The following CENPC variants were observed in gnomAD, a reference collection of about 807,000 sequenced individuals.
CENPC encodes CENP-C 1.
CENPC carries 63 observed loss-of-function variants against 112.1 expected under a neutral mutation model. The ratio of observed to expected loss-of-function variants is 0.56; its 90% CI spans 0.46 to 0.69. The LOEUF (loss-of-function observed/expected upper bound fraction) is 0.69. Among genes scored for constraint, CENPC ranks in the 30% least tolerant of loss-of-function variants. CENPC has a pLI of 0.00. For synonymous variants in CENPC, 333 were observed against 367.6 expected (o/e 0.91, Z 1.08); for missense variants, 1,000 against 1,103.8 (o/e 0.91, Z 1.33).
At chr4:67,485,784 T>C (rs1045274305) in intron 17 of CENPC, among the ~76,000 whole-genome samples, 1 of 152,244 alleles carries the variant, frequency 6.6e-6, no homozygotes, top group African/African-American at 2.4e-5. Context: ...TCTTATTCAC[T>C]TAATGTATAT....
chr4:67,530,577 A>G (rs779119769), intron 5 of CENPC, among the ~76,000 whole-genome samples: 7 of 152,238 alleles, frequency 4.6e-5, no homozygotes, highest in Non-Finnish European at 1.0e-4. Context: ...ATAAAAAGAA[A>G]GAAAACTTTA....
At chr4:67,510,860 T>G in intron 9 of CENPC, 1 of 378,908 alleles carries the variant, frequency 2.6e-6, no homozygotes, top group South Asian at 2.0e-5. Flanking sequence ...CTCCACTTTT[T>G]CGACTCCCAG....
intron 2 of CENPC, among the ~76,000 whole-genome samples, chr4:67,542,135 C>G (rs575406023): frequency 6.6e-6 from 1 of 152,160 alleles, no homozygotes; most frequent in African/African-American, 2.4e-5. Flanking sequence ...TGACATGCAT[C>G]TCTAACAGAG....
At chr4:67,523,936 C>T (rs765696671) in intron 5 of CENPC, among the ~76,000 whole-genome samples, 26 of 151,768 alleles carry the variant, frequency 1.7e-4, no homozygotes, top group Non-Finnish European at 3.4e-4. Flanking sequence ...CTTCTATTAG[C>T]CAAATCTGCA....
intron 5 of CENPC, among the ~76,000 whole-genome samples, chr4:67,528,305 T>C (rs1726445245): frequency 6.6e-6 from 1 of 152,144 alleles, no homozygotes; most frequent in Non-Finnish European, 1.5e-5. Context: ...GAGACAGGCT[T>C]TATTAAAATA....
rs1362631696 is a variant in CENPC at position 67,485,537 on chromosome 4, T to G, written c.2670+4430A>C. Among the ~76,000 whole-genome samples the G allele has an allele frequency of 2.0e-5, 3 of 152,268 alleles. No homozygotes were observed. The East Asian group carries it at 5.8e-4, about 29-fold the overall frequency. ...GTAATTAGGTCCTGAGTGCAGAGCC[T>G]TCAGGAATGGGACTAGTGCCCTTAT... is the stretch of plus-strand genomic sequence containing the variant. On this transcript the variant is annotated intron_variant, in intron 17 of 18. Transcript: ENST00000273853.
chr4:67,495,186 G>C lies in CENPC; in HGVS notation c.2158C>G (p.Pro720Ala). The C allele has an allele frequency of 6.5e-7, 1 of 1,531,182 alleles. No individual in the cohort carries two copies. The highest frequency in any genetic ancestry group is 8.8e-7 in the Non-Finnish European group (1 of 1,140,374). The allele number at this position is 1,531,182 out of a possible 1,614,324, so 94.8% of individuals were successfully genotyped here. Residue 720 changes from proline to alanine, a missense_variant, in exon 13 of 19, where the codon CCA becomes GCA. Pro to Ala is a conservative substitution (Grantham distance 27). Coordinates refer to ENST00000273853, the MANE Select transcript of CENPC (RefSeq NM_001812.4). ...AGTTTGTGATGGATTCTGTTCTTTG[G>C]TATCACTTTAGATTGTTTTGAGTCA... Reference protein sequence around the residue: ...SDDSKQSKVIPKNRIHHKLVL... With the variant: ...SDDSKQSKVIAKNRIHHKLVL...
At chr4:67,486,009 T>C (rs1015840341) in intron 17 of CENPC, among the ~76,000 whole-genome samples, 2 of 152,150 alleles carry the variant, frequency 1.3e-5, no homozygotes, top group African/African-American at 4.8e-5. Context: ...TTCAAAGGTA[T>C]TTTTATAACT....
chr4:67,507,813 C>T (rs775394311), intron 10 of CENPC, among the ~76,000 whole-genome samples: 5 of 151,950 alleles, frequency 3.3e-5, no homozygotes, highest in African/African-American at 1.2e-4. Context: ...CGATCAGAAC[C>T]CCTCAACAAA....
intron 4 of CENPC, among the ~76,000 whole-genome samples, chr4:67,537,285 T>A (rs1395949151): frequency 6.6e-6 from 1 of 152,204 alleles, no homozygotes; most frequent in African/African-American, 2.4e-5. Flanking sequence ...TTCTATATCA[T>A]CATCTAGGTA....
chr4:67,496,917 T>C (rs1577981451), intron 12 of CENPC, among the ~76,000 whole-genome samples: 2 of 115,998 alleles, frequency 1.7e-5, no homozygotes, highest in East Asian at 6.0e-4. Context: ...AAATTCAATT[T>C]CCTATGCAGT....
intron 17 of CENPC, among the ~76,000 whole-genome samples, chr4:67,477,448 G>A (rs1303664246): frequency 1.3e-5 from 2 of 152,164 alleles, no homozygotes; most frequent in African/African-American, 4.8e-5. Context: ...ACACAGAAGA[G>A]CAATAGCAAT....
rs372860932 is a variant in CENPC at position 67,529,954 on chromosome 4, AAGT to A, written c.331+858_331+860del. Among the ~76,000 whole-genome samples the A allele has an allele frequency of 2.8e-3, 424 of 152,292 alleles. 3 individuals carry two copies. The highest frequency in any genetic ancestry group is 9.6e-3 in the African/African-American group (398 of 41,570). ...TTATGTGAGATTTAATATATAATAA[AAGT>A]AGTACATTCAGAAGAGAACAGATTT... is the stretch of plus-strand genomic sequence containing the variant. On this transcript the variant is annotated intron_variant, in intron 5 of 18. Transcript: ENST00000273853.
intron 4 of CENPC, among the ~76,000 whole-genome samples, chr4:67,531,338 T>C (rs370214821): frequency 1.3e-5 from 2 of 152,178 alleles, no homozygotes; most frequent in Non-Finnish European, 2.9e-5. Context: ...AAGTTCAAAA[T>C]AGACACGTAA....
rs780432951 is a variant in CENPC at position 67,545,325 on chromosome 4, G to C, written c.18+13C>G. On this transcript the variant is annotated intron_variant, in intron 1 of 18. Coordinates refer to ENST00000273853, the MANE Select transcript of CENPC (RefSeq NM_001812.4). ...GCTCAACCACTCGCCTGGAGCGGGG[G>C]GCCTGCACTTACCAGACCGGACGCA... The C allele has an allele frequency of 2.7e-6, 4 of 1,502,470 alleles. No individual in the cohort carries two copies. In the East Asian group the frequency reaches 1.1e-4, roughly 41 times the overall value. The allele number at this position is 1,502,470 out of a possible 1,614,324, so 93.1% of individuals were successfully genotyped here.
intron 5 of CENPC, among the ~76,000 whole-genome samples, chr4:67,523,325 T>A (rs1726284133): frequency 6.6e-6 from 1 of 151,884 alleles, no homozygotes; most frequent in Admixed American, 6.6e-5. Context: ...AAACAAAAAA[T>A]GAATGACGTC....
At chr4:67,500,070 T>C (rs1364031988) in intron 12 of CENPC, among the ~76,000 whole-genome samples, 2 of 151,752 alleles carry the variant, frequency 1.3e-5, no homozygotes, top group East Asian at 3.9e-4. Flanking sequence ...GATCACCTGA[T>C]CACAAATCAC....
Position 67,495,172 on chromosome 4 carries a change from GA to G in CENPC, c.2171del (p.Ile724ThrfsTer5). 2 of 1,527,534 alleles carry G rather than the reference GA, an allele frequency of 1.3e-6. No homozygotes were observed. The highest frequency in any genetic ancestry group is 8.8e-7 in the Non-Finnish European group (1 of 1,139,196). The allele number at this position is 1,527,534 out of a possible 1,614,324, so 94.6% of individuals were successfully genotyped here. A position where few individuals can be genotyped will look rare whatever the true frequency, so the allele number is the denominator to read the frequency against. ...AAATATTCTTACCTAGTTTGTGATG[GA>G]TTCTGTTCTTTGGTATCACTTTAGA... ...KQSKVIPKNR[I>X]HHKLVLPSNT... On this transcript the variant is annotated frameshift_variant, in exon 13 of 19. Coordinates refer to ENST00000273853, the MANE Select transcript of CENPC (RefSeq NM_001812.4). LOFTEE classifies it high-confidence loss of function.
chr4:67,534,789 T>C (rs1422443076), intron 4 of CENPC, among the ~76,000 whole-genome samples: 1 of 152,212 alleles, frequency 6.6e-6, no homozygotes, highest in African/African-American at 2.4e-5. Context: ...CATATAGAGC[T>C]TCCAATGTGT....
Sources: allele counts gnomAD v4.1 joint callset (sites outside exome capture counted in the v4.1 genomes callset), GRCh38; gene constraint gnomAD v4.1.1; transcripts MANE v1.5; gene names NCBI Gene and HGNC (gene_info 2026-07-23, HGNC 2026-07-21).